Variants in L3MBTL4 observed in about 807,000 individuals in gnomAD.
L3MBTL4 encodes L3MBTL histone methyl-lysine binding protein 4, also known as lethal(3)malignant brain tumor-like protein 4.
Under a neutral mutation model 84.5 loss-of-function variants are expected in L3MBTL4, and 70 were observed. The observed-to-expected ratio is 0.83, with a 90% CI of 0.68 to 1.01. The LOEUF (loss-of-function observed/expected upper bound fraction) is 1.01. L3MBTL4 is among the 50% of genes least tolerant of loss of function. The pLI, the probability that L3MBTL4 is intolerant of heterozygous loss-of-function variation, is 0.00. For missense variants in L3MBTL4, 715 were observed against 754.8 expected (o/e 0.95, Z 0.62); for synonymous variants, 274 against 259.8 (o/e 1.05, Z -0.52).
At chr18:6,041,836 C>A (rs1032483821) in intron 16 of L3MBTL4, among the ~76,000 whole-genome samples, 1 of 151,954 alleles carries the variant, frequency 6.6e-6, no homozygotes, top group African/African-American at 2.4e-5. Flanking sequence ...GTGATCTTCC[C>A]ATCTCAACCT....
chr18:6,230,345 C>G (rs1219743234), intron 10 of L3MBTL4, among the ~76,000 whole-genome samples: 1 of 152,120 alleles, frequency 6.6e-6, no homozygotes, highest in Non-Finnish European at 1.5e-5. Flanking sequence ...CTGTTTTCTG[C>G]TCCTCTGGTA....
chr18:6,033,552 ATGTAATTACGATTACATTACT>A (rs1283415591), intron 16 of L3MBTL4, among the ~76,000 whole-genome samples: 5 of 152,332 alleles, frequency 3.3e-5, no homozygotes, highest in Non-Finnish European at 7.4e-5. Flanking sequence ...ATTATATTAC[ATGTAATTACGATTACATTACT>A]TGTAATTACG....
intron 13 of L3MBTL4, among the ~76,000 whole-genome samples, chr18:6,153,703 G>T (rs553441429): frequency 1.3e-5 from 2 of 152,030 alleles, no homozygotes; most frequent in East Asian, 3.9e-4. Flanking sequence ...GATCATAAGG[G>T]TGGTTTTCCC....
At chr18:6,030,171 T>G in intron 16 of L3MBTL4, 1 of 824,348 alleles carries the variant, frequency 1.2e-6, no homozygotes, top group Non-Finnish European at 1.5e-6. Flanking sequence ...ACAGAACATA[T>G]TTTTAGAAAG....
chr18:6,191,211 G>A (rs1213159705), intron 12 of L3MBTL4, among the ~76,000 whole-genome samples: 1 of 152,202 alleles, frequency 6.6e-6, no homozygotes, highest in East Asian at 1.9e-4. Context: ...TGGCTGGAGT[G>A]GAAGCTAGAA....
intron 1 of L3MBTL4, among the ~76,000 whole-genome samples, chr18:6,410,745 TAATC>T (rs1318390794): frequency 1.3e-5 from 2 of 152,210 alleles, no homozygotes; most frequent in Non-Finnish European, 2.9e-5. Context: ...AACAATTTAT[TAATC>T]AATTATTAAT....
chr18:6,245,415 A>G (rs2047619232), intron 5 of L3MBTL4, among the ~76,000 whole-genome samples: 1 of 151,980 alleles, frequency 6.6e-6, no homozygotes, highest in African/African-American at 2.4e-5. Flanking sequence ...TCACTTTATT[A>G]TATGGATTAC....
Position 6,115,507 on chromosome 18 carries a change from G to A in L3MBTL4, c.1200-21979C>T, listed in dbSNP as rs141904098. 1.7e-3 allele frequency among the ~76,000 whole-genome samples: 262 copies of A among 152,284 alleles called. 2 individuals carry two copies. The highest frequency in any genetic ancestry group is 6.5e-4 in the Non-Finnish European group (44 of 68,012). The stretch of plus-strand genomic sequence containing the variant: ...ATGATTCTACCCATCCCACCCATTT[G>A]GGTGGAGGGAATGAGGTCAGCTTTG... On this transcript the variant is annotated intron_variant, in intron 14 of 18. Coordinates refer to ENST00000317931, the MANE Select transcript of L3MBTL4 (RefSeq NM_001330559.2).
chr18:6,066,919 T>C (rs2057419415), intron 16 of L3MBTL4, among the ~76,000 whole-genome samples: 1 of 148,632 alleles, frequency 6.7e-6, no homozygotes, highest in Admixed American at 6.6e-5. Flanking sequence ...CTAGATACTT[T>C]GTTTTTTTTT....
chr18:6,334,352 C>T (rs1568509703), intron 1 of L3MBTL4, among the ~76,000 whole-genome samples: 2 of 152,060 alleles, frequency 1.3e-5, no homozygotes, highest in Non-Finnish European at 2.9e-5. Context: ...CATTAACACC[C>T]CTAAGGGCAC....
intron 1 of L3MBTL4, among the ~76,000 whole-genome samples, chr18:6,333,586 A>C (rs2052161049): frequency 6.6e-6 from 1 of 152,190 alleles, no homozygotes; most frequent in South Asian, 2.1e-4. Context: ...AAAAAAAAAA[A>C]AAAACCTAAT....
intron 14 of L3MBTL4, among the ~76,000 whole-genome samples, chr18:6,125,628 C>T (rs937629660): frequency 6.6e-6 from 1 of 152,100 alleles, no homozygotes; most frequent in Non-Finnish European, 1.5e-5. Flanking sequence ...TGAGGTCTTA[C>T]TATGTTGTCC....
At position 6,243,432 on chromosome 18, in the gene L3MBTL4, G is replaced by C. The variant is rs2047533304; in HGVS notation, c.325-3C>G. 6.3e-7 allele frequency: 1 copy of C among 1,587,354 alleles called. No individual in the cohort carries two copies. The highest frequency in any genetic ancestry group is 1.8e-5 in the Admixed American group (1 of 54,944). On this transcript the variant is annotated splice_region_variant and splice_polypyrimidine_tract_variant and intron_variant, in intron 6 of 18. Coordinates refer to ENST00000317931, the MANE Select transcript of L3MBTL4 (RefSeq NM_001330559.2). ...AGTCTTAGACGGTAACCACAAACCT[G>C]CAAGATAGAAAGTTTACAATCATTC...
intron 16 of L3MBTL4, among the ~76,000 whole-genome samples, chr18:5,981,974 C>CTGTGTGTGTGTG (rs374606293): frequency 0.028 from 3,913 of 137,332 alleles, 105 homozygotes; most frequent in African/African-American, 0.056. Flanking sequence ...TTTCAATATT[C>CTGTGTGTGTGTG]TGTGTGTGTG....
chr18:6,040,913 T>G (rs2056372919), intron 16 of L3MBTL4, among the ~76,000 whole-genome samples: 1 of 147,644 alleles, frequency 6.8e-6, no homozygotes, highest in Non-Finnish European at 1.5e-5. Flanking sequence ...TCACATAATT[T>G]CTATAAAATT....
At chr18:6,157,958 T>C (rs1271289745) in intron 13 of L3MBTL4, among the ~76,000 whole-genome samples, 1 of 152,124 alleles carries the variant, frequency 6.6e-6, no homozygotes, top group Admixed American at 6.6e-5. Context: ...TTAGGGAGGG[T>C]TATTCTTGGC....
chr18:6,217,520 T>G (rs941525112), intron 10 of L3MBTL4, among the ~76,000 whole-genome samples: 1 of 152,238 alleles, frequency 6.6e-6, no homozygotes, highest in African/African-American at 2.4e-5. Flanking sequence ...ATCTATCTAT[T>G]CTACTGATTG....
chr18:6,016,787 AAG>A (rs2145447250), intron 16 of L3MBTL4, among the ~76,000 whole-genome samples: 1 of 152,284 alleles, frequency 6.6e-6, no homozygotes, highest in South Asian at 2.1e-4. Context: ...GAGGATTGGG[AAG>A]TTTTCCTGGT....
chr18:6,135,729 C>T (rs1568179734), intron 14 of L3MBTL4, among the ~76,000 whole-genome samples: 2 of 152,226 alleles, frequency 1.3e-5, no homozygotes, highest in African/African-American at 4.8e-5. Context: ...GTCAAAGCCA[C>T]TCGACAAGTC....
Sources: gnomAD v4.1 joint callset for allele counts (sites outside exome capture counted in the v4.1 genomes callset) on GRCh38, gnomAD v4.1.1 for gene constraint, MANE v1.5 for transcripts, NCBI Gene and HGNC (gene_info 2026-07-23, HGNC 2026-07-21) for gene names.